ARID1B: variants seen among roughly 807,000 people sequenced by gnomAD.
ARID1B encodes the protein AT-rich interaction domain 1B, also known as AT-rich interactive domain-containing protein 1B.
In ARID1B, 30 loss-of-function variants were observed where a neutral mutation model predicts 212.3. The ratio of observed to expected loss-of-function variants is 0.14; its 90% CI spans 0.11 to 0.19. The LOEUF (loss-of-function observed/expected upper bound fraction) is 0.19. Among genes scored for constraint, ARID1B ranks in the 10% least tolerant of loss-of-function variants. The pLI, the probability that ARID1B is intolerant of heterozygous loss-of-function variation, is 1.00. For missense variants in ARID1B, 2,891 were observed against 3,204.0 expected, an observed-to-expected ratio of 0.90 and a Z score of 2.36; for synonymous variants, 1,402 against 1,301.7, an observed-to-expected ratio of 1.08 and a Z score of -1.66.
At chr6:157,047,591 T>C (rs1288184672) in intron 4 of ARID1B, among the ~76,000 whole-genome samples, 1 of 152,198 alleles carries the variant, frequency 6.6e-6, no homozygotes. Context: ...GTGTAGTTCA[T>C]GCCTGCCTTT....
chr6:157,051,842 T>G (rs1192755551), intron 4 of ARID1B, among the ~76,000 whole-genome samples: 1 of 152,258 alleles, frequency 6.6e-6, no homozygotes, highest in Non-Finnish European at 1.5e-5. Flanking sequence ...GGTATATTTC[T>G]TTTCATGTTG....
intron 4 of ARID1B, chr6:157,022,424 TAATTA>T (rs1780374556): frequency 6.6e-6 from 1 of 152,250 alleles, no homozygotes; most frequent in African/African-American, 2.4e-5. Context: ...TTCCTGTTCT[TAATTA>T]AATGCTGAAG....
chr6:157,082,458 T>A (rs1022536204), intron 4 of ARID1B, among the ~76,000 whole-genome samples: 1 of 152,230 alleles, frequency 6.6e-6, no homozygotes, highest in Non-Finnish European at 1.5e-5. Context: ...TCACGTGCCC[T>A]TACATTTCTG....
chr6:156,792,073 T>C lies in ARID1B; in HGVS notation c.1791+12602T>C, dbSNP rs570883480. On this transcript the variant is annotated intron_variant, in intron 1 of 19. Coordinates refer to ENST00000636930, the MANE Select transcript of ARID1B (RefSeq NM_001374828.1). ...TATCTGGAATTTTGAAATGAATTGA[T>C]ACTTAGAACTTTACTCATATGAGAG... 1.1e-4 allele frequency among the ~76,000 whole-genome samples: 17 copies of C among 152,318 alleles called. No homozygotes were observed. In the East Asian group the frequency reaches 3.3e-3, roughly 29 times the overall value.
intron 4 of ARID1B, chr6:157,072,301 A>G (rs1784048633): frequency 6.6e-6 from 1 of 152,214 alleles, no homozygotes; most frequent in Non-Finnish European, 1.5e-5. Context: ...CTTTACAAAA[A>G]AAGCTTCAGC....
chr6:156,871,637 A>G lies in ARID1B; in HGVS notation c.1987-29739A>G, dbSNP rs778414103. 5.6e-6 allele frequency: 9 copies of G among 1,612,702 alleles called. No homozygotes were observed. In the Admixed American group the frequency reaches 6.7e-5, roughly 12 times the overall value. ...AGGACTCTGGAGATGCCACATGGAA[A>G]GAAACATTCTGGTTGGCAAGTATCT... is the stretch of plus-strand genomic sequence containing the variant. On this transcript the variant is annotated intron_variant, in intron 2 of 19. Transcript: ENST00000636930.
chr6:156,859,847 C>T (rs1202366563), intron 2 of ARID1B, among the ~76,000 whole-genome samples: 2 of 152,334 alleles, frequency 1.3e-5, no homozygotes, highest in African/African-American at 4.8e-5. Context: ...GAAAAGCTGT[C>T]ACTTCTAATG....
chr6:157,039,616 A>ACCTACCTTCCTTCCTTCCTTCCTTCCTT (rs1562568901), intron 4 of ARID1B, among the ~76,000 whole-genome samples: 1 of 123,212 alleles, frequency 8.1e-6, no homozygotes, highest in Non-Finnish European at 1.7e-5. Context: ...AAAGCTACCT[A>ACCTACCTTCCTTCCTTCCTTCCTTCCTT]CCTTCCTTCC....
At chr6:157,098,858 A>G (rs1273297984) in intron 5 of ARID1B, among the ~76,000 whole-genome samples, 1 of 152,240 alleles carries the variant, frequency 6.6e-6, no homozygotes, top group Non-Finnish European at 1.5e-5. Flanking sequence ...CCCAAAGCAC[A>G]TTATATTCCC....
chr6:157,103,217 C>G (rs560417347), intron 5 of ARID1B, among the ~76,000 whole-genome samples: 5 of 151,942 alleles, frequency 3.3e-5, no homozygotes, highest in Non-Finnish European at 7.4e-5. Context: ...ATCTATTAAT[C>G]TGAGCTTGGT....
chr6:156,779,686 C>T (rs1000612645), intron 1 of ARID1B: 5 of 222,938 alleles, frequency 2.2e-5, no homozygotes, highest in Non-Finnish European at 3.9e-5. Context: ...CTTCGCCGGG[C>T]CGGGCCGGGC....
intron 4 of ARID1B, among the ~76,000 whole-genome samples, chr6:157,004,908 T>TTTTTTG (rs1779142680): frequency 1.2e-4 from 13 of 112,700 alleles, no homozygotes; most frequent in South Asian, 8.8e-4. Flanking sequence ...TTTTTTTTTT[T>TTTTTTG]TTTTTTTTTT....
intron 6 of ARID1B, among the ~76,000 whole-genome samples, chr6:157,116,908 G>C (rs1177779744): frequency 6.6e-6 from 1 of 152,120 alleles, no homozygotes; most frequent in Non-Finnish European, 1.5e-5. Context: ...ACCAACATTA[G>C]GTGAGCTGGG....
intron 1 of ARID1B, among the ~76,000 whole-genome samples, chr6:156,820,974 A>G (rs1294317554): frequency 6.6e-6 from 1 of 152,204 alleles, no homozygotes; most frequent in Non-Finnish European, 1.5e-5. Context: ...TAGTGAGTCC[A>G]AGGCTCTGTC....
intron 2 of ARID1B, among the ~76,000 whole-genome samples, chr6:156,868,919 A>AT (rs1346124919): frequency 1.3e-5 from 2 of 152,242 alleles, no homozygotes; most frequent in African/African-American, 4.8e-5. Flanking sequence ...CAGCAAGATC[A>AT]TTACAATATA....
At chr6:157,012,591 T>C (rs1779680969) in intron 4 of ARID1B, among the ~76,000 whole-genome samples, 1 of 152,184 alleles carries the variant, frequency 6.6e-6, no homozygotes, top group South Asian at 2.1e-4. Flanking sequence ...ATTATTGGGT[T>C]GGTATACTGT....
At chr6:157,050,822 C>T (rs1447563393) in intron 4 of ARID1B, among the ~76,000 whole-genome samples, 8 of 152,154 alleles carry the variant, frequency 5.3e-5, no homozygotes, top group Non-Finnish European at 7.3e-5. Context: ...GTGCAAACAT[C>T]GCAGGCACAA....
chr6:157,184,835 G>A (rs141445584), intron 13 of ARID1B: 188 of 219,778 alleles, frequency 8.6e-4, no homozygotes, highest in African/African-American at 3.9e-3. Flanking sequence ...CTACAGGTTC[G>A]ACAGCTCGAG....
chr6:157,190,055 T>C lies in ARID1B; in HGVS notation c.4076T>C (p.Val1359Ala), dbSNP rs138218716. 18 of 1,614,160 alleles carry C rather than the reference T, an allele frequency of 1.1e-5. No individual in the cohort carries two copies. The highest frequency in any genetic ancestry group is 4.0e-5 in the African/African-American group (3 of 75,072). ...CTCTTCAGAAGCAGTACAATCAGTG[T>C]GCACGACCCATTCTCAGATGTGAGT... ...MQGGRSSTISVHDPFSDVSDS... is the reference protein window; with the variant it reads ...MQGGRSSTISAHDPFSDVSDS... The change falls in exon 15 of 20, where the codon GTG (valine) becomes GCG (alanine). Residue 1359 changes from valine to alanine, a missense_variant. Val to Ala is a moderately conservative substitution (Grantham distance 64). Transcript: ENST00000636930. The surrounding 1 kb of genome is among the most constrained non-coding windows in gnomAD (Gnocchi z 4.6).
Sources: allele counts gnomAD v4.1 joint callset (sites outside exome capture counted in the v4.1 genomes callset), GRCh38; gene constraint gnomAD v4.1.1; non-coding constraint Gnocchi (gnomAD v3.1); transcripts MANE v1.5; gene names NCBI Gene and HGNC (gene_info 2026-07-23, HGNC 2026-07-21).